The following TENM2 variants were observed in gnomAD, a reference collection of about 807,000 sequenced individuals.
The protein encoded by TENM2 is teneurin-2.
Under a neutral mutation model 245.2 loss-of-function variants are expected in TENM2, and 52 were observed. That is an observed-to-expected ratio of 0.21 (90% CI 0.17 to 0.27). The LOEUF is 0.27. TENM2 is among the 10% of genes least tolerant of loss of function. The pLI, the probability that TENM2 is intolerant of heterozygous loss-of-function variation, is 1.00. For synonymous variants in TENM2, 1,363 were observed against 1,438.9 expected, an observed-to-expected ratio of 0.95 and a Z score of 1.19; for missense variants, 3,046 against 3,666.8, an observed-to-expected ratio of 0.83 and a Z score of 4.37.
chr5:167,317,028 T>C (rs974722127), intron 1 of TENM2, among the ~76,000 whole-genome samples: 3 of 152,120 alleles, frequency 2.0e-5, no homozygotes, highest in Non-Finnish European at 4.4e-5. Context: ...CTTGGTCACT[T>C]TTCAGCCTTT....
intron 2 of TENM2, among the ~76,000 whole-genome samples, chr5:167,825,550 G>A (rs1273993745): frequency 1.3e-5 from 2 of 152,104 alleles, no homozygotes; most frequent in East Asian, 3.9e-4. Flanking sequence ...CCATTTGACT[G>A]GCATTGTCAT....
the TENM2 span, among the ~76,000 whole-genome samples, chr5:167,206,083 A>G: frequency 6.6e-6 from 1 of 152,186 alleles, no homozygotes; most frequent in Non-Finnish European, 1.5e-5. Context: ...GCTGTGGAAC[A>G]TATTCATTGA....
At chr5:167,901,089 A>C (rs538746521) in intron 3 of TENM2, among the ~76,000 whole-genome samples, 1 of 152,182 alleles carries the variant, frequency 6.6e-6, no homozygotes, top group Non-Finnish European at 1.5e-5. Context: ...TGGAATATGC[A>C]TGTGCAATTT....
At chr5:168,118,943 C>T (rs1395012211) in intron 10 of TENM2, among the ~76,000 whole-genome samples, 1 of 152,146 alleles carries the variant, frequency 6.6e-6, no homozygotes, top group African/African-American at 2.4e-5. Context: ...TTCCTAAGCC[C>T]CTTGCCTCCC....
intron 3 of TENM2, among the ~76,000 whole-genome samples, chr5:167,914,952 A>C (rs1169267189): frequency 6.6e-6 from 1 of 152,144 alleles, no homozygotes; most frequent in Non-Finnish European, 1.5e-5. Flanking sequence ...ATCTGCAATA[A>C]CCTTATTTCC....
intron 4 of TENM2, among the ~76,000 whole-genome samples, chr5:167,968,008 A>G (rs1437288703): frequency 6.6e-6 from 1 of 152,158 alleles, no homozygotes; most frequent in African/African-American, 2.4e-5. Context: ...CAGGGGAAGT[A>G]GGTCCTGCAA....
At chr5:167,959,480 T>C (rs982993560) in intron 4 of TENM2, among the ~76,000 whole-genome samples, 2 of 152,240 alleles carry the variant, frequency 1.3e-5, no homozygotes, top group African/African-American at 4.8e-5. Context: ...TTTCTTCCAC[T>C]TAATCTATTT....
At chr5:167,037,754 G>T in the TENM2 span, among the ~76,000 whole-genome samples, 1 of 152,172 alleles carries the variant, frequency 6.6e-6, no homozygotes, top group Non-Finnish European at 1.5e-5. Context: ...GACATTTCTT[G>T]GAAAGAGGTA....
intron 2 of TENM2, among the ~76,000 whole-genome samples, chr5:167,872,957 G>A (rs1024547985): frequency 2.6e-5 from 4 of 152,226 alleles, no homozygotes; most frequent in Non-Finnish European, 5.9e-5. Flanking sequence ...TCACTCAAAG[G>A]AATTTAAAAA....
At chr5:167,797,609 T>G (rs1193062772) in intron 2 of TENM2, among the ~76,000 whole-genome samples, 1 of 152,188 alleles carries the variant, frequency 6.6e-6, no homozygotes, top group Non-Finnish European at 1.5e-5. Context: ...TAGAAACCCC[T>G]TCAACATGTA....
At chr5:167,283,658 A>G (rs779954759), upstream of TENM2, among the ~76,000 whole-genome samples, 2 of 152,238 alleles carry the variant, frequency 1.3e-5, no homozygotes, top group African/African-American at 2.4e-5. Context: ...AGCCTGGAGA[A>G]AAATCATTGC....
At chr5:167,952,501 T>C (rs1780188483) in intron 3 of TENM2, 87 bp from the exon 6 acceptor site, 2 of 1,129,344 alleles carry the variant, frequency 1.8e-6, no homozygotes, top group African/African-American at 3.1e-5. Context: ...TTAGAGACTT[T>C]GGTTTGAAAC....
intron 4 of TENM2, among the ~76,000 whole-genome samples, chr5:167,986,714 CT>C (rs1418979918): frequency 6.6e-6 from 1 of 152,190 alleles, no homozygotes; most frequent in Non-Finnish European, 1.5e-5. Context: ...AGCTGAGCTA[CT>C]TCCATGACCG....
exon 1 of TENM2, chr5:167,284,892 G>C (rs1459809689): frequency 4.5e-6 from 7 of 1,551,668 alleles, no homozygotes; most frequent in Non-Finnish European, 6.1e-6. Context: ...CTGTGGCAAA[G>C]AGTGTCGCTA....
chr5:167,006,918 C>T, the TENM2 span, among the ~76,000 whole-genome samples: 24 of 152,174 alleles, frequency 1.6e-4, no homozygotes, highest in South Asian at 4.1e-4. Context: ...TCACCCACCT[C>T]GGCCTCCGAA....
intron 2 of TENM2, among the ~76,000 whole-genome samples, chr5:167,395,985 A>G (rs954752469): frequency 1.2e-4 from 18 of 152,326 alleles, no homozygotes; most frequent in South Asian, 2.1e-4. Flanking sequence ...ATGTGGAGAA[A>G]TCGTAGCTTT....
At chr5:167,486,816 G>A (rs1300975710) in intron 2 of TENM2, among the ~76,000 whole-genome samples, 1 of 152,054 alleles carries the variant, frequency 6.6e-6, no homozygotes, top group Non-Finnish European at 1.5e-5. Flanking sequence ...GCTTGCTCTG[G>A]AAAGATGAGC....
At chr5:167,260,290 AG>A in the TENM2 span, among the ~76,000 whole-genome samples, 422 of 151,824 alleles carry the variant, frequency 2.8e-3, 11 homozygotes, top group East Asian at 0.056. Context: ...TCCTTTTTGG[AG>A]GAAAAAAATC....
chr5:167,448,515 ATC>A (rs1480777735), intron 2 of TENM2, among the ~76,000 whole-genome samples: 1 of 148,824 alleles, frequency 6.7e-6, no homozygotes, highest in African/African-American at 2.5e-5. Flanking sequence ...GTATCTTGCT[ATC>A]TCGTATGTTA....
Sources: gnomAD v4.1 joint callset for allele counts (sites outside exome capture counted in the v4.1 genomes callset) on GRCh38, gnomAD v4.1.1 for gene constraint, MANE v1.5 for transcripts, NCBI Gene and HGNC (gene_info 2026-07-23, HGNC 2026-07-21) for gene names.